Variants in ADGRF5 observed in about 807,000 individuals in gnomAD.
ADGRF5 encodes adhesion G protein-coupled receptor F5.
ADGRF5 carries 75 observed loss-of-function variants against 132.3 expected under a neutral mutation model. The ratio of observed to expected loss-of-function variants is 0.57; its 90% CI spans 0.47 to 0.69. ADGRF5 has a LOEUF of 0.69. ADGRF5 is among the 30% of genes least tolerant of loss of function. ADGRF5 has a pLI of 0.00. For missense variants in ADGRF5, 1,516 were observed against 1,630.6 expected, an observed-to-expected ratio of 0.93 and a Z score of 1.21; for synonymous variants, 629 against 597.6, an observed-to-expected ratio of 1.05 and a Z score of -0.77.
At chr6:46,935,826 G>C (rs1429303756) in intron 1 of ADGRF5, among the ~76,000 whole-genome samples, 1 of 152,204 alleles carries the variant, frequency 6.6e-6, no homozygotes, top group African/African-American at 2.4e-5. Context: ...GTTGTGTAAT[G>C]CTGACCTGGA....
At chr6:46,953,434 C>A (rs1778572438) in intron 1 of ADGRF5, among the ~76,000 whole-genome samples, 1 of 151,714 alleles carries the variant, frequency 6.6e-6, no homozygotes, top group Non-Finnish European at 1.5e-5. Flanking sequence ...CCAGCCTGGG[C>A]AACACGGTGA....
Position 46,879,829 on chromosome 6 carries a change from G to A in ADGRF5, c.1025C>T (p.Pro342Leu), listed in dbSNP as rs1164228103. The A allele has an allele frequency of 5.0e-6, 8 of 1,603,392 alleles. No homozygotes were observed. Among genetic ancestry groups the A allele is most frequent in the Non-Finnish European group, 6.0e-6 (7 of 1,170,258 alleles). ...GAATGGAGACCTACCTGCATCACCTGGAGTGATGTTGTGGATGGTGAGCTT... is the reference window on the plus strand; with the variant it reads ...GAATGGAGACCTACCTGCATCACCTAGAGTGATGTTGTGGATGGTGAGCTT... ...VSKLTIHNIT[P>L]GDAGEYVCKL... The change falls in exon 9 of 21, where the codon CCA (proline) becomes CTA (leucine). Residue 342 changes from proline (P) to leucine (L), a missense_variant. Coordinates refer to ENST00000283296, the MANE Select transcript of ADGRF5 (RefSeq NM_001098518.2).
chr6:46,950,610 G>A (rs375351308), intron 1 of ADGRF5, among the ~76,000 whole-genome samples: 3 of 152,184 alleles, frequency 2.0e-5, no homozygotes, highest in Non-Finnish European at 4.4e-5. Flanking sequence ...CGCCTCCCGG[G>A]TTCAAGCAAT....
chr6:46,904,782 G>A (rs1264218753), intron 2 of ADGRF5, among the ~76,000 whole-genome samples: 1 of 152,206 alleles, frequency 6.6e-6, no homozygotes, highest in Non-Finnish European at 1.5e-5. Flanking sequence ...CAGAAGGTCA[G>A]TCATGGAAAC....
intron 1 of ADGRF5, among the ~76,000 whole-genome samples, chr6:46,921,403 T>C (rs1334930821): frequency 6.7e-6 from 1 of 149,884 alleles, no homozygotes; most frequent in Admixed American, 6.8e-5. Flanking sequence ...TATTTTCTGG[T>C]TTAAGGACGA....
At chr6:46,947,475 C>T (rs901426971) in intron 1 of ADGRF5, among the ~76,000 whole-genome samples, 14 of 152,184 alleles carry the variant, frequency 9.2e-5, no homozygotes, top group African/African-American at 2.2e-4. Flanking sequence ...TGCACATCTG[C>T]GGGTGCACAC....
intron 19 of ADGRF5, among the ~76,000 whole-genome samples, chr6:46,856,333 A>T (rs1431978066): frequency 6.6e-6 from 1 of 152,224 alleles, no homozygotes; most frequent in Non-Finnish European, 1.5e-5. Context: ...TTCCAAAATG[A>T]ACTACAGAAA....
In ADGRF5 at chr6:46,868,900, G is replaced by A. The variant is rs570716966; in HGVS notation, c.1604C>T (p.Ser535Leu). The change falls in exon 12 of 21, where the codon TCG (serine) becomes TTG (leucine). Residue 535 changes from serine to leucine, a missense_variant. Coordinates refer to ENST00000283296, the MANE Select transcript of ADGRF5 (RefSeq NM_001098518.2). ...TCACTCACCATTCCACTCCCTGGTC[G>A]AGGTCTTGACTGTCAGTACTGATTC... ...GAESVLTVKT[S>L]TREWNGTYHC... 9.3e-6 allele frequency: 15 copies of A among 1,609,314 alleles called. No homozygotes were observed. Among genetic ancestry groups the A allele is most frequent in the East Asian group, 6.7e-5 (3 of 44,846 alleles).
rs572877435 is a variant in ADGRF5 at position 46,885,980 on chromosome 6, C to T, written c.329-1709G>A. Reference sequence around the variant, plus strand: ...GACTCTGTTGTGCACCAATAGATAACAAATGTAGAGTGCAAGTAAATTTGT... The same window carrying T: ...GACTCTGTTGTGCACCAATAGATAATAAATGTAGAGTGCAAGTAAATTTGT... On this transcript the variant is annotated intron_variant, in intron 4 of 20. Coordinates refer to ENST00000283296, the MANE Select transcript of ADGRF5 (RefSeq NM_001098518.2). Among the ~76,000 whole-genome samples, 7 of 152,264 alleles carry T rather than the reference C, an allele frequency of 4.6e-5. No homozygotes were observed. The South Asian group carries it at 1.4e-3, about 32-fold the overall frequency.
At chr6:46,885,605 A>T (rs1772992072) in intron 4 of ADGRF5, among the ~76,000 whole-genome samples, 1 of 152,234 alleles carries the variant, frequency 6.6e-6, no homozygotes, top group Admixed American at 6.5e-5. Flanking sequence ...CTCTGGGCCT[A>T]TGTACCACAT....
rs768306801 is a variant in ADGRF5 at position 46,859,047 on chromosome 6, C to G, written c.2856G>C (p.Thr952=). 6.2e-7 allele frequency: 1 copy of G among 1,614,182 alleles called. No individual in the cohort carries two copies. The highest frequency in any genetic ancestry group is 1.3e-5 in the African/African-American group (1 of 75,034). ...FKNNSPSGGE[T]KCVFWNFRLA... is the part of the protein sequence containing the mutation. ...GCCTGAAGTTCCAGAAGACACACTT[C>G]GTTTCGCCGCCTGAAGGGCTATTGT... The change falls in exon 17 of 21, where the codon ACG becomes ACC. Residue 952 remains threonine, a synonymous_variant. Transcript: ENST00000283296.
intron 12 of ADGRF5, among the ~76,000 whole-genome samples, chr6:46,867,499 G>T (rs967289877): frequency 6.6e-6 from 1 of 152,184 alleles, no homozygotes; most frequent in Non-Finnish European, 1.5e-5. Flanking sequence ...GTGCGCAGAG[G>T]TGGGGAGTTT....
intron 4 of ADGRF5, among the ~76,000 whole-genome samples, chr6:46,885,135 A>C (rs1194182866): frequency 1.3e-5 from 2 of 150,456 alleles, no homozygotes; most frequent in Non-Finnish European, 1.5e-5. Flanking sequence ...AAGAGGTTGC[A>C]GTGAGTTGAG....
Position 46,881,451 on chromosome 6 carries a change from T to C in ADGRF5, c.814+4A>G. The C allele has an allele frequency of 6.2e-7, 1 of 1,611,608 alleles. No homozygotes were observed. ...CATGACCATATCTAAACAATTTCAC[T>C]TACTGATAGTAACTGCTTGAAAGGA... On this transcript the variant is annotated splice_donor_region_variant and intron_variant, in intron 8 of 20. Coordinates refer to ENST00000283296, the MANE Select transcript of ADGRF5 (RefSeq NM_001098518.2).
intron 10 of ADGRF5, among the ~76,000 whole-genome samples, chr6:46,877,289 TTCTCTC>T (rs71544214): frequency 2.1e-4 from 14 of 68,114 alleles, no homozygotes; most frequent in South Asian, 1.4e-3. Flanking sequence ...CTTTCTTTCT[TTCTCTC>T]TCTCTCTCTC....
intron 3 of ADGRF5, among the ~76,000 whole-genome samples, chr6:46,889,186 C>CATATATAT (rs5875989): frequency 7.0e-6 from 1 of 143,076 alleles, no homozygotes; most frequent in African/African-American, 2.5e-5. Flanking sequence ...TATGTGTATA[C>CATATATAT]ATATATATAT....
At position 46,868,916 on chromosome 6, in the gene ADGRF5, G is replaced by C; in HGVS notation, c.1588C>G (p.Leu530Val). The change falls in exon 12 of 21, where the codon CTG becomes GTG. Residue 530 changes from leucine (L) to valine (V), a missense_variant. By Grantham distance (32) the Leu-to-Val change is conservative. Around this residue, in one of 2 missense-constraint regions of ADGRF5, gnomAD observed 945 missense variants for 929.4 expected, o/e 1.02. Transcript: ENST00000283296. ...RRYLDGAESV[L>V]TVKTSTREWN... Reference sequence around the variant, plus strand: ...TCCCTGGTCGAGGTCTTGACTGTCAGTACTGATTCTGCTCCATCAAGATAC... The same window carrying C: ...TCCCTGGTCGAGGTCTTGACTGTCACTACTGATTCTGCTCCATCAAGATAC... The C allele has an allele frequency of 1.2e-6, 2 of 1,612,970 alleles. No homozygotes were observed. Among genetic ancestry groups the C allele is most frequent in the Non-Finnish European group, 1.7e-6 (2 of 1,178,982 alleles).
intron 13 of ADGRF5, among the ~76,000 whole-genome samples, chr6:46,865,649 G>A (rs546694419): frequency 6.6e-6 from 1 of 152,202 alleles, no homozygotes; most frequent in Non-Finnish European, 1.5e-5. Flanking sequence ...TGCATAGAAA[G>A]CACTGAATGT....
rs1485821405 is a variant in ADGRF5 at position 46,863,005 on chromosome 6, G to T, written c.2082C>A (p.Ser694Arg). ...TCCCGCCAATGGGACTCTCAGGGCT[G>T]CTGGGAACGTTTGAGAACCGGCATA... ...QKLCRFSNVP[S>R]SPESPIGGTI... The change falls in exon 15 of 21, where the codon AGC (serine) becomes AGA (arginine). Residue 694 changes from serine to arginine, a missense_variant. Around this residue, in one of 2 missense-constraint regions of ADGRF5, gnomAD observed 945 missense variants for 929.4 expected, o/e 1.02. Coordinates refer to ENST00000283296, the MANE Select transcript of ADGRF5 (RefSeq NM_001098518.2). 1 of 1,613,684 alleles carries T rather than the reference G, an allele frequency of 6.2e-7. No homozygotes were observed. The highest frequency in any genetic ancestry group is 8.5e-7 in the Non-Finnish European group (1 of 1,179,682).
Sources: allele counts gnomAD v4.1 joint callset (sites outside exome capture counted in the v4.1 genomes callset), GRCh38; gene constraint gnomAD v4.1.1; regional missense constraint gnomAD v4.1.1; transcripts MANE v1.5; gene names NCBI Gene and HGNC (gene_info 2026-07-23, HGNC 2026-07-21).